CCSER1: variants seen among roughly 807,000 people sequenced by gnomAD.
CCSER1 encodes coiled-coil serine rich protein 1, also known as serine-rich coiled-coil domain-containing protein 1.
Under a neutral mutation model 82.0 loss-of-function variants are expected in CCSER1, and 41 were observed. That is an observed-to-expected ratio of 0.50 (90% CI 0.39 to 0.65). The LOEUF is 0.65. Ranked by LOEUF, CCSER1 falls within the 30% of genes least tolerant of loss-of-function variation. The pLI is 0.00. For missense variants in CCSER1, 1,119 were observed against 1,064.2 expected, an observed-to-expected ratio of 1.05 and a Z score of -0.72; for synonymous variants, 414 against 383.9, an observed-to-expected ratio of 1.08 and a Z score of -0.92.
At position 90,792,489 on chromosome 4, in the gene CCSER1, G is replaced by A. The variant is rs150744828; in HGVS notation, c.2011-23273G>A. On this transcript the variant is annotated intron_variant, in intron 7 of 10. Transcript: ENST00000509176. ...TTTCCCTGTGTCTGAAATGTACAGG[G>A]CCCCAGAGATGGCTCAGCTTCTTTC... 4.8e-3 allele frequency among the ~76,000 whole-genome samples: 726 copies of A among 152,264 alleles called. 4 individuals are homozygous for A. Among genetic ancestry groups the A allele is most frequent in the African/African-American group, 0.017 (696 of 41,544 alleles).
chr4:90,128,827 T>TTCTC (rs147910382), intron 1 of CCSER1, among the ~76,000 whole-genome samples: 5 of 150,114 alleles, frequency 3.3e-5, no homozygotes, highest in African/African-American at 9.8e-5. Flanking sequence ...ACTGCTCTCT[T>TTCTC]TCTCTCTCTC....
intron 6 of CCSER1, among the ~76,000 whole-genome samples, chr4:90,628,761 G>A (rs1723799199): frequency 6.6e-6 from 1 of 152,144 alleles, no homozygotes; most frequent in South Asian, 2.1e-4. Context: ...TACTGAAACA[G>A]TGAGCTAGTC....
At chr4:91,195,462 T>C (rs1278439937) in intron 10 of CCSER1, among the ~76,000 whole-genome samples, 1 of 152,128 alleles carries the variant, frequency 6.6e-6, no homozygotes, top group East Asian at 1.9e-4. Flanking sequence ...ATGGGAAATT[T>C]TGTGGAATAG....
intron 10 of CCSER1, among the ~76,000 whole-genome samples, chr4:91,324,023 A>G (rs1251494794): frequency 1.3e-5 from 2 of 152,198 alleles, no homozygotes; most frequent in Non-Finnish European, 2.9e-5. Flanking sequence ...ATACAGCGAC[A>G]TCTAATTTCA....
At chr4:90,198,329 C>T (rs1215225767) in intron 1 of CCSER1, among the ~76,000 whole-genome samples, 13 of 152,046 alleles carry the variant, frequency 8.6e-5, no homozygotes, top group Non-Finnish European at 1.5e-4. Flanking sequence ...GTCATCTAAT[C>T]AGCATGAAAA....
chr4:90,933,044 G>GAAAGAAAGAA (rs1484007474), intron 9 of CCSER1, among the ~76,000 whole-genome samples: 1 of 64,014 alleles, frequency 1.6e-5, no homozygotes, highest in Non-Finnish European at 3.0e-5. Flanking sequence ...AAGAAAGAAA[G>GAAAGAAAGAA]AGAAGGAAGG....
At chr4:90,598,604 GTCT>G (rs1783655201) in intron 5 of CCSER1, among the ~76,000 whole-genome samples, 1 of 152,114 alleles carries the variant, frequency 6.6e-6, no homozygotes, top group African/African-American at 2.4e-5. Flanking sequence ...CCATTTTTAT[GTCT>G]TCTTCAGAGA....
chr4:91,535,283 T>C (rs925975848), intron 10 of CCSER1, among the ~76,000 whole-genome samples: 1 of 152,048 alleles, frequency 6.6e-6, no homozygotes, highest in Non-Finnish European at 1.5e-5. Flanking sequence ...TAAAGTATGA[T>C]ATTTGGTGAA....
intron 5 of CCSER1, among the ~76,000 whole-genome samples, chr4:90,598,391 G>T (rs1647886619): frequency 6.6e-6 from 1 of 151,970 alleles, no homozygotes; most frequent in African/African-American, 2.4e-5. Flanking sequence ...TTAACATTAG[G>T]TATATCTCCT....
chr4:91,255,831 A>G (rs1740638087), intron 10 of CCSER1, among the ~76,000 whole-genome samples: 1 of 151,970 alleles, frequency 6.6e-6, no homozygotes, highest in Non-Finnish European at 1.5e-5. Context: ...TCTTAATCCC[A>G]TTATCTTCAT....
chr4:91,308,249 T>C (rs1745214757), intron 10 of CCSER1, among the ~76,000 whole-genome samples: 1 of 152,004 alleles, frequency 6.6e-6, no homozygotes, highest in Admixed American at 6.6e-5. Flanking sequence ...GGTGAGTGTT[T>C]CATCTCATAA....
At chr4:90,891,468 A>G (rs897609824) in intron 8 of CCSER1, among the ~76,000 whole-genome samples, 1 of 151,834 alleles carries the variant, frequency 6.6e-6, no homozygotes, top group African/African-American at 2.4e-5. Flanking sequence ...ATAAGGATTT[A>G]AAAATGCTTG....
At chr4:91,376,121 A>C (rs1172419319) in intron 10 of CCSER1, among the ~76,000 whole-genome samples, 1 of 152,036 alleles carries the variant, frequency 6.6e-6, no homozygotes, top group Non-Finnish European at 1.5e-5. Context: ...AAAATAAAAC[A>C]CAAAAATTCC....
At chr4:91,185,657 A>G (rs1186549993) in intron 10 of CCSER1, among the ~76,000 whole-genome samples, 1 of 152,228 alleles carries the variant, frequency 6.6e-6, no homozygotes, top group African/African-American at 2.4e-5. Context: ...TCCCTTCTTT[A>G]TCAAACTTAG....
Position 90,644,340 on chromosome 4 carries a change from A to G in CCSER1, c.1932+16108A>G, listed in dbSNP as rs565659841. 1.2e-4 allele frequency among the ~76,000 whole-genome samples: 18 copies of G among 152,228 alleles called. No individual in the cohort carries two copies. The South Asian group carries it at 3.7e-3, about 32-fold the overall frequency. On this transcript the variant is annotated intron_variant, in intron 6 of 10. Coordinates refer to ENST00000509176, the MANE Select transcript of CCSER1 (RefSeq NM_001145065.2). ...TTTAATAGTTTTGTTCATGAAGTAA[A>G]CTTGTGTTATGTGTTCATGTGTGGA... is the stretch of plus-strand genomic sequence containing the variant.
At chr4:91,089,354 C>G in intron 10 of CCSER1, among the ~76,000 whole-genome samples, 1 of 152,212 alleles carries the variant, frequency 6.6e-6, no homozygotes, top group East Asian at 1.9e-4. Context: ...CAGGCAGGCC[C>G]AGGCCTGGTT....
chr4:90,768,278 A>G (rs1751552531), intron 7 of CCSER1, among the ~76,000 whole-genome samples: 1 of 152,142 alleles, frequency 6.6e-6, no homozygotes, highest in Admixed American at 6.6e-5. Context: ...GAGTAAGTAG[A>G]TGCAATCTTT....
intron 10 of CCSER1, among the ~76,000 whole-genome samples, chr4:91,097,752 T>G (rs1055115333): frequency 6.6e-6 from 1 of 152,164 alleles, no homozygotes; most frequent in African/African-American, 2.4e-5. Context: ...AAAATCCCAC[T>G]TTTGTTTGTG....
intron 5 of CCSER1, among the ~76,000 whole-genome samples, chr4:90,603,534 G>T (rs754008875): frequency 6.6e-6 from 1 of 152,142 alleles, no homozygotes; most frequent in Non-Finnish European, 1.5e-5. Flanking sequence ...TGTATTTTAG[G>T]AAAGTATATA....
Sources: allele counts gnomAD v4.1 joint callset (sites outside exome capture counted in the v4.1 genomes callset), GRCh38; gene constraint gnomAD v4.1.1; transcripts MANE v1.5; gene names NCBI Gene and HGNC (gene_info 2026-07-23, HGNC 2026-07-21).